FNBP4: variants seen among roughly 807,000 people sequenced by gnomAD.
The protein encoded by FNBP4 is formin-binding protein 4.
A neutral mutation model predicts 119.3 loss-of-function variants in FNBP4; 34 were observed. That is an observed-to-expected ratio of 0.28 (90% confidence interval 0.22 to 0.38). FNBP4 has a LOEUF of 0.38. Among genes scored for constraint, FNBP4 ranks in the 10% least tolerant of loss-of-function variants. FNBP4 has a pLI of 1.00. For synonymous variants in FNBP4, 462 were observed against 430.6 expected (o/e 1.07, Z -0.90); for missense variants, 1,112 against 1,228.9 (o/e 0.90, Z 1.42).
chr11:47,747,370 AATTT>A (rs950649144), intron 6 of FNBP4, among the ~76,000 whole-genome samples: 73 of 152,000 alleles, frequency 4.8e-4, no homozygotes, highest in African/African-American at 1.7e-3. Context: ...AAGCCTGGCT[AATTT>A]TTTTTGTACT....
At chr11:47,736,415 G>C (rs2097574235) in intron 9 of FNBP4, among the ~76,000 whole-genome samples, 1 of 151,892 alleles carries the variant, frequency 6.6e-6, no homozygotes, top group Non-Finnish European at 1.5e-5. Flanking sequence ...AATTAGCTGG[G>C]AGTTGAGGTG....
intron 1 of FNBP4, among the ~76,000 whole-genome samples, chr11:47,766,637 G>A (rs1378090332): frequency 2.0e-5 from 3 of 152,218 alleles, no homozygotes; most frequent in East Asian, 3.9e-4. Flanking sequence ...AATATTAAGA[G>A]CTTTTTCTAA....
intron 12 of FNBP4, chr11:47,729,734 T>C: frequency 1.0e-6 from 1 of 985,468 alleles, no homozygotes; most frequent in East Asian, 1.1e-4. Context: ...TTGTTTTTTC[T>C]CTTCTTTAAA....
intron 6 of FNBP4, among the ~76,000 whole-genome samples, chr11:47,749,276 TA>T (rs1420534312): frequency 6.7e-6 from 1 of 149,622 alleles, no homozygotes; most frequent in African/African-American, 2.5e-5. Flanking sequence ...GTCTCAAAAA[TA>T]AGTAAATAAA....
intron 2 of FNBP4, among the ~76,000 whole-genome samples, chr11:47,762,546 C>T (rs1322338991): frequency 6.6e-6 from 1 of 152,108 alleles, no homozygotes; most frequent in African/African-American, 2.4e-5. Context: ...GATCCTCCTG[C>T]CTCAGTCTCC....
rs940706849 is a variant in FNBP4, at chr11:47,721,986, T to C, written c.2805+990A>G. Among the ~76,000 whole-genome samples, 5 of 68,998 alleles carry C rather than the reference T, an allele frequency of 7.2e-5. No homozygotes were observed. In the East Asian group the frequency reaches 2.3e-3, roughly 31 times the overall value. The allele number at this position is 68,998 out of a possible 152,430, so 45.3% of individuals were successfully genotyped here. A position where few individuals can be genotyped will look rare whatever the true frequency, so the allele number is the denominator to read the frequency against. On this transcript the variant is annotated intron_variant, in intron 15 of 16. Coordinates refer to ENST00000263773, the MANE Select transcript of FNBP4 (RefSeq NM_015308.5). Reference sequence around the variant, plus strand: ...AGCAAACTGCCATATTAGCTGGGGGTGGTGGCGGATGTCTCTGACTCAAAA... The same window carrying C: ...AGCAAACTGCCATATTAGCTGGGGGCGGTGGCGGATGTCTCTGACTCAAAA...
intron 2 of FNBP4, among the ~76,000 whole-genome samples, chr11:47,762,792 C>G (rs1466815968): frequency 6.6e-6 from 1 of 150,414 alleles, no homozygotes; most frequent in Non-Finnish European, 1.5e-5. Context: ...GGCCCGTAAT[C>G]CCAGCTACTT....
At chr11:47,736,072 C>T (rs571699861) in intron 9 of FNBP4, among the ~76,000 whole-genome samples, 3 of 53,588 alleles carry the variant, frequency 5.6e-5, no homozygotes, top group Admixed American at 2.8e-4. Context: ...AGCGAGACTC[C>T]GACTCACAAA....
chr11:47,767,260 C>G lies in FNBP4; in HGVS notation c.29G>C (p.Gly10Ala), dbSNP rs777028323. 1.3e-6 allele frequency: 2 copies of G among 1,554,044 alleles called. No individual in the cohort carries two copies. Among genetic ancestry groups the G allele is most frequent in the Non-Finnish European group, 1.7e-6 (2 of 1,158,496 alleles). The change falls in exon 1 of 17, where the codon GGC becomes GCC. Residue 10 changes from glycine (G) to alanine (A), a missense_variant. Physicochemically the swap from Gly to Ala is moderately conservative, Grantham distance 60. Coordinates refer to ENST00000263773, the MANE Select transcript of FNBP4 (RefSeq NM_015308.5). ...AGAGAGTTGCAGGATGGGCCTACGG[C>G]CGGGTACCGCCCGGGACTTCTTCCC... The part of the protein sequence containing the change: MGKKSRAVP[G>A]RRPILQLSPP...
At chr11:47,738,025 T>TA (rs1028579338) in intron 8 of FNBP4, among the ~76,000 whole-genome samples, 65 of 152,152 alleles carry the variant, frequency 4.3e-4, no homozygotes, top group African/African-American at 1.5e-3. Context: ...TTACAGGCGT[T>TA]AGCCACCACG....
chr11:47,749,677 C>T lies in FNBP4; in HGVS notation c.906+1239G>A, dbSNP rs2097598013. On this transcript the variant is annotated intron_variant, in intron 6 of 16. Transcript: ENST00000263773. The stretch of plus-strand genomic sequence containing the variant: ...CAACTTACTTTTCTTACTAATTAGG[C>T]TATAGAAATGCTCAGGTTTCACTAA... Among the ~76,000 whole-genome samples, 3 of 152,126 alleles carry T rather than the reference C, an allele frequency of 2.0e-5. No homozygotes were observed. In the South Asian group the frequency reaches 6.2e-4, roughly 32 times the overall value.
intron 2 of FNBP4, among the ~76,000 whole-genome samples, chr11:47,758,414 T>C (rs1333245863): frequency 2.0e-5 from 3 of 152,090 alleles, no homozygotes; most frequent in Non-Finnish European, 4.4e-5. Flanking sequence ...TGTTGCTCAG[T>C]TTGGTCTTGA....
In FNBP4 at chr11:47,720,152, TG is replaced by T. The variant is rs1468164989; in HGVS notation, c.2806-67del. Reference sequence around the variant, plus strand: ...AAATAAGGATAAGCGTCCTCTACAATGGAGGTCAGGATCCTTTTCCCAGTTC... The same window carrying T: ...AAATAAGGATAAGCGTCCTCTACAATGAGGTCAGGATCCTTTTCCCAGTTC... On this transcript the variant is annotated intron_variant, in intron 15 of 16. Transcript: ENST00000263773. 3 of 1,458,034 alleles carry T rather than the reference TG, an allele frequency of 2.1e-6. No homozygotes were observed. The African/African-American group carries it at 4.3e-5, about 21-fold the overall frequency. The allele number at this position is 1,458,034 out of a possible 1,614,324, so 90.3% of individuals were successfully genotyped here. A position where few individuals can be genotyped will look rare whatever the true frequency, so the allele number is the denominator to read the frequency against.
intron 3 of FNBP4, among the ~76,000 whole-genome samples, chr11:47,753,561 A>G (rs1484100849): frequency 6.6e-6 from 1 of 152,082 alleles, no homozygotes; most frequent in African/African-American, 2.4e-5. Flanking sequence ...CAGTGAGCCG[A>G]GATCACGCTA....
chr11:47,724,106 T>C lies in FNBP4; in HGVS notation c.2386A>G (p.Ile796Val). The change falls in exon 14 of 17, where the codon ATT becomes GTT. Residue 796 changes from isoleucine to valine, a missense_variant. Transcript: ENST00000263773. Reference protein sequence around the residue: ...TKGIKRKATEISTAVVQRSAT... With the variant: ...TKGIKRKATEVSTAVVQRSAT... ...GACCTCTGAACCACTGCAGTGCTAA[T>C]TTCTGTAGCTTTCCTCTTTATTCCT... The C allele has an allele frequency of 1.2e-6, 2 of 1,614,242 alleles. No homozygotes were observed. Among genetic ancestry groups the C allele is most frequent in the Non-Finnish European group, 8.5e-7 (1 of 1,180,032 alleles).
chr11:47,729,875 C>T, intron 12 of FNBP4: 1 of 985,398 alleles, frequency 1.0e-6, no homozygotes, highest in Non-Finnish European at 1.2e-6. Context: ...CAAGTTTATC[C>T]TGCAATTCTA....
intron 10 of FNBP4, among the ~76,000 whole-genome samples, chr11:47,733,577 A>G (rs2097570114): frequency 6.6e-6 from 1 of 152,030 alleles, no homozygotes; most frequent in Non-Finnish European, 1.5e-5. Context: ...TTGGTGATCT[A>G]CCTGCCCCGG....
intron 8 of FNBP4, among the ~76,000 whole-genome samples, chr11:47,741,021 C>T (rs927201111): frequency 3.3e-5 from 5 of 150,916 alleles, no homozygotes; most frequent in African/African-American, 9.8e-5. Context: ...CCCAAGTAGC[C>T]GCCACGCCCA....
chr11:47,731,529 T>G lies in FNBP4; in HGVS notation c.1853A>C (p.Gln618Pro). 1 of 1,612,208 alleles carries G rather than the reference T, an allele frequency of 6.2e-7. No homozygotes were observed. Among genetic ancestry groups the G allele is most frequent in the Non-Finnish European group, 8.5e-7 (1 of 1,179,548 alleles). The stretch of plus-strand genomic sequence containing the variant: ...AAACTCCCACTGAGACTCGCCCGAC[T>G]GTTCGTTTACATAGAAATACCGTCT... ...DHRRYFYVNE[Q>P]SGESQWEFPD... Residue 618 changes from glutamine to proline, a missense_variant, in exon 12 of 17, where the codon CAG becomes CCG. By Grantham distance (76) the Gln-to-Pro change is moderately conservative (BLOSUM62 -1). Coordinates refer to ENST00000263773, the MANE Select transcript of FNBP4 (RefSeq NM_015308.5).
Sources: allele counts gnomAD v4.1 joint callset (sites outside exome capture counted in the v4.1 genomes callset), GRCh38; gene constraint gnomAD v4.1.1; transcripts MANE v1.5; gene names NCBI Gene and HGNC (gene_info 2026-07-23, HGNC 2026-07-21).